The following SLC4A2 variants were observed in gnomAD, a reference collection of about 807,000 sequenced individuals.
SLC4A2 encodes the protein solute carrier family 4 member 2.
Under a neutral mutation model 115.0 loss-of-function variants are expected in SLC4A2, and 36 were observed. The ratio of observed to expected loss-of-function variants is 0.31; its 90% confidence interval spans 0.24 to 0.41. SLC4A2 has a LOEUF of 0.41. Among genes scored for constraint, SLC4A2 ranks in the 10% least tolerant of loss-of-function variants. SLC4A2 has a pLI of 1.00. For synonymous variants in SLC4A2, 708 were observed against 708.3 expected (o/e 1.00, Z 0.01); for missense variants, 1,252 against 1,705.6 (o/e 0.73, Z 4.68).
intron 8 of SLC4A2, among the ~76,000 whole-genome samples, chr7:151,069,644 G>A (rs1471792340): frequency 6.6e-6 from 1 of 152,138 alleles, no homozygotes; most frequent in African/African-American, 2.4e-5. Flanking sequence ...CATGGAGGCC[G>A]GATGCTTCCT....
intron 21 of SLC4A2, 81 bp from the exon 22 acceptor site, chr7:151,075,932 T>C: frequency 2.0e-6 from 3 of 1,486,424 alleles, no homozygotes; most frequent in Non-Finnish European, 2.7e-6. Flanking sequence ...TGTTCTTCCA[T>C]CCCCGCCTCC....
In SLC4A2 at chr7:151,076,292, T is replaced by A; in HGVS notation, c.3651T>A (p.Asp1217Glu). 1 of 1,561,512 alleles carries A rather than the reference T, an allele frequency of 6.4e-7. No individual in the cohort carries two copies. Residue 1217 changes from aspartate (D) to glutamate (E), a missense_variant, in exon 23 of 23, where the codon GAT becomes GAA. Asp to Glu is a conservative substitution (Grantham distance 45, BLOSUM62 2). Transcript: ENST00000413384. ...CGCCACCTCCCCACACACAGCTGGA[T>A]GCTAACGAGGCAGAGCCGGTGTTTG... The part of the protein sequence containing the change: ...IFTDREMKCL[D>E]ANEAEPVFDE...
chr7:151,075,176 G>C (rs750636391), intron 19 of SLC4A2, 79 bp from the exon 20 acceptor site: 1 of 1,578,506 alleles, frequency 6.3e-7, no homozygotes, highest in Admixed American at 1.7e-5. Flanking sequence ...GGAGGGACTG[G>C]CTGGGCATTC....
Position 151,070,795 on chromosome 7 carries a change from G to T in SLC4A2, c.1633G>T (p.Ala545Ser), listed in dbSNP as rs1394989140. The T allele has an allele frequency of 3.1e-6, 5 of 1,613,892 alleles. No homozygotes were observed. The highest frequency in any genetic ancestry group is 4.2e-6 in the Non-Finnish European group (5 of 1,180,026). Residue 545 changes from alanine to serine, a missense_variant, in exon 12 of 23, where the codon GCA becomes TCA. Coordinates refer to ENST00000413384, the MANE Select transcript of SLC4A2 (RefSeq NM_003040.4). ...GCTCCGGGAGGCTGTGGAGTTGGACGCAGTGTTGGAGGTGCCGGTGCCTGT... is the reference window on the plus strand; with the variant it reads ...GCTCCGGGAGGCTGTGGAGTTGGACTCAGTGTTGGAGGTGCCGGTGCCTGT... Reference protein sequence around the residue: ...VRLREAVELDAVLEVPVPVRF... With the variant: ...VRLREAVELDSVLEVPVPVRF...
In SLC4A2 at chr7:151,074,473, G is replaced by A. The variant is rs1157161234; in HGVS notation, c.2865G>A (p.Glu955=). 1 of 1,613,976 alleles carries A rather than the reference G, an allele frequency of 6.2e-7. No individual in the cohort carries two copies. Among genetic ancestry groups the A allele is most frequent in the Non-Finnish European group, 8.5e-7 (1 of 1,179,994 alleles). The change falls in exon 18 of 23, where the codon GAG becomes GAA. Residue 955 remains glutamate, a synonymous_variant. Transcript: ENST00000413384. ...TGGTGCTTGTGGATTACAGTATTGA[G>A]GACACCTATACCCAGGTAAGGTGCT... The part of the protein sequence containing the change: ...LIMVLVDYSI[E]DTYTQKLSVP...
Position 151,074,722 on chromosome 7 carries a change from G to C in SLC4A2, c.2928G>C (p.Arg976Ser). 6.2e-7 allele frequency: 1 copy of C among 1,611,716 alleles called. No homozygotes were observed. Among genetic ancestry groups the C allele is most frequent in the Non-Finnish European group, 8.5e-7 (1 of 1,179,130 alleles). ...TCTCGGTGACTGCCCCAGAAAAGAGGGGCTGGGTCATCAACCCCCTGGGAG... is the reference window on the plus strand; with the variant it reads ...TCTCGGTGACTGCCCCAGAAAAGAGCGGCTGGGTCATCAACCCCCTGGGAG... ...SGFSVTAPEK[R>S]GWVINPLGEK... Residue 976 changes from arginine to serine, a missense_variant, in exon 19 of 23, where the codon AGG (arginine) becomes AGC (serine). Arg to Ser is a moderately radical substitution (Grantham distance 110). Transcript: ENST00000413384.
chr7:151,071,814 G>A lies in SLC4A2; in HGVS notation c.2317G>A (p.Val773Ile). 1 of 1,606,868 alleles carries A rather than the reference G, an allele frequency of 6.2e-7. No homozygotes were observed. The highest frequency in any genetic ancestry group is 8.5e-7 in the Non-Finnish European group (1 of 1,178,088). Residue 773 changes from valine (V) to isoleucine (I), a missense_variant, in exon 15 of 23, where the codon GTC (valine) becomes ATC (isoleucine). This residue lies in a region of SLC4A2 where 118 missense variants were observed against 203.3 expected (regional missense o/e 0.58). Coordinates refer to ENST00000413384, the MANE Select transcript of SLC4A2 (RefSeq NM_003040.4). The surrounding 1 kb of genome is among the most constrained non-coding windows in gnomAD (Gnocchi z 5.5). ...LVIGFSGPLL[V>I]FEEAFFSFCS... is the part of the protein sequence containing the mutation. ...GATCGGCTTCTCAGGGCCCCTGCTG[G>A]TCTTTGAGGAGGCCTTCTTCTCGGT...
chr7:151,075,171 G>C, intron 19 of SLC4A2, 84 bp from the exon 20 acceptor site: 1 of 1,557,124 alleles, frequency 6.4e-7, no homozygotes, highest in Non-Finnish European at 8.7e-7. Flanking sequence ...CAGATGGAGG[G>C]ACTGGCTGGG....
rs1428389595 is a variant in SLC4A2 at position 151,066,583 on chromosome 7, C to T, written c.645C>T (p.Asp215=). 1.9e-5 allele frequency: 30 copies of T among 1,547,238 alleles called. No homozygotes were observed. Among genetic ancestry groups the T allele is most frequent in the Non-Finnish European group, 2.4e-5 (28 of 1,146,082 alleles). Residue 215 remains aspartate, a synonymous_variant, in exon 6 of 23, where the codon GAC becomes GAT. Transcript: ENST00000413384. ...AVASGTAGGD[D]GGASGRPLPK... ...CCAGTGGCACTGCAGGGGGTGACGA[C>T]GGGGGTGCCTCGGGGCGCCCCCTGC...
At chr7:151,066,469 G>C in intron 5 of SLC4A2, 48 bp from the exon 6 acceptor site, 1 of 1,457,410 alleles carries the variant, frequency 6.9e-7, no homozygotes, top group South Asian at 1.4e-5. Flanking sequence ...GCTGGGCGTG[G>C]GGGAGGAGGC....
chr7:151,063,174 C>A (rs760327004), intron 2 of SLC4A2: 1 of 1,478,930 alleles, frequency 6.8e-7, no homozygotes, highest in Non-Finnish European at 8.9e-7. Flanking sequence ...TGCTCCGCGC[C>A]CGCAGGATGA....
intron 2 of SLC4A2, among the ~76,000 whole-genome samples, chr7:151,063,615 G>C (rs1443163010): frequency 2.0e-5 from 3 of 150,396 alleles, no homozygotes; most frequent in African/African-American, 7.4e-5. Context: ...GCAGACTGCT[G>C]GGGGGACACT....
At chr7:151,073,946 C>T in intron 16 of SLC4A2, 93 bp from the exon 17 acceptor site, 1 of 1,363,562 alleles carries the variant, frequency 7.3e-7, no homozygotes, top group Non-Finnish European at 1.0e-6. Flanking sequence ...CCAGCCTTTC[C>T]CCTGCCCCAC....
chr7:151,073,059 A>C (rs1026338647), intron 16 of SLC4A2, among the ~76,000 whole-genome samples: 2 of 152,024 alleles, frequency 1.3e-5, no homozygotes, highest in South Asian at 4.1e-4. Context: ...AGCTCAAGTG[A>C]TCCTTCTGCC....
chr7:151,067,094 G>C, intron 7 of SLC4A2, 101 bp downstream of exon 7: 1 of 1,269,670 alleles, frequency 7.9e-7, no homozygotes, highest in Non-Finnish European at 1.1e-6. Flanking sequence ...TGCCACTGTT[G>C]TTTTGTTGTT....
chr7:151,061,355 C>T (rs1414012240), intron 1 of SLC4A2: 1 of 152,148 alleles, frequency 6.6e-6, no homozygotes. Context: ...AGGGAAGCCT[C>T]CTGCCGGCCT....
rs1337556616 is a variant in SLC4A2 at position 151,064,705 on chromosome 7, G to A, written c.397G>A (p.Glu133Lys). Residue 133 changes from glutamate (E) to lysine (K), a missense_variant, in exon 4 of 23, where the codon GAG becomes AAG. Physicochemically the swap from Glu to Lys is moderately conservative, Grantham distance 56. Around this residue, in one of 14 missense-constraint regions of SLC4A2, gnomAD observed 215 missense variants for 205.2 expected, o/e 1.05. Transcript: ENST00000413384. ...EGEEDEDEAS[E>K]AEGARALTQP... The stretch of plus-strand genomic sequence containing the variant: ...GGAGGAAGATGAGGATGAGGCCAGC[G>A]AGGCTGAGGGGGCCCGGGCTCTCAC... 2 of 1,613,260 alleles carry A rather than the reference G, an allele frequency of 1.2e-6. No homozygotes were observed. The highest frequency in any genetic ancestry group is 1.3e-5 in the African/African-American group (1 of 75,040).
intron 7 of SLC4A2, among the ~76,000 whole-genome samples, chr7:151,067,367 T>C (rs906274431): frequency 6.6e-6 from 1 of 152,198 alleles, no homozygotes; most frequent in African/African-American, 2.4e-5. Context: ...ATTACAGGCA[T>C]GAGCTGCCGC....
chr7:151,074,890 G>C, intron 19 of SLC4A2, 49 bp downstream of exon 19: 1 of 1,526,506 alleles, frequency 6.6e-7, no homozygotes, highest in Non-Finnish European at 8.8e-7. Flanking sequence ...CCCCAGGCCA[G>C]GCTGGGGAAC....
Sources: allele counts gnomAD v4.1 joint callset (sites outside exome capture counted in the v4.1 genomes callset), GRCh38; gene constraint gnomAD v4.1.1; regional missense constraint gnomAD v4.1.1; non-coding constraint Gnocchi (gnomAD v3.1); transcripts MANE v1.5; gene names NCBI Gene and HGNC (gene_info 2026-07-23, HGNC 2026-07-21).